Variants in ST8SIA4 observed in about 807,000 individuals in gnomAD.
ST8SIA4 encodes CMP-N-acetylneuraminate-poly-alpha-2,8-sialyltransferase.
In ST8SIA4, 15 loss-of-function variants were observed where a neutral mutation model predicts 33.9. The observed-to-expected ratio is 0.44, with a 90% CI of 0.30 to 0.68. ST8SIA4 has a LOEUF of 0.68. ST8SIA4 is among the 30% of genes least tolerant of loss of function. ST8SIA4 has a pLI of 0.10. For synonymous variants in ST8SIA4, 171 were observed against 151.2 expected (o/e 1.13, Z -0.96); for missense variants, 321 against 428.0 (o/e 0.75, Z 2.21).
At chr5:100,850,368 C>T (rs1204446684) in intron 4 of ST8SIA4, among the ~76,000 whole-genome samples, 2 of 150,548 alleles carry the variant, frequency 1.3e-5, no homozygotes, top group African/African-American at 4.9e-5. Flanking sequence ...TATATTAAAA[C>T]AAATTACTAC....
rs189007863 is a variant in ST8SIA4 at position 100,835,143 on chromosome 5, T to G, written c.797+20960A>C. ...TTCTTTTTCTGTTTGTACACAAAAT[T>G]TTCAATCACAAATGCTAAAGCTACC... On this transcript the variant is annotated intron_variant, in intron 4 of 4. Coordinates refer to ENST00000231461, the MANE Select transcript of ST8SIA4 (RefSeq NM_005668.6). Among the ~76,000 whole-genome samples the G allele has an allele frequency of 5.3e-5, 8 of 152,270 alleles. No individual in the cohort carries two copies. The East Asian group carries it at 1.5e-3, about 29-fold the overall frequency.
chr5:100,823,049 T>C (rs1751064608), intron 4 of ST8SIA4, among the ~76,000 whole-genome samples: 1 of 151,972 alleles, frequency 6.6e-6, no homozygotes. Context: ...GAGAATGGTG[T>C]GAACCCGGGA....
intron 1 of ST8SIA4, among the ~76,000 whole-genome samples, chr5:100,901,201 C>G (rs1343748595): frequency 6.6e-6 from 1 of 152,176 alleles, no homozygotes; most frequent in Non-Finnish European, 1.5e-5. Context: ...TAGGGAGGCT[C>G]GGAGATGGAC....
At chr5:100,878,188 T>A (rs1238929639) in intron 3 of ST8SIA4, among the ~76,000 whole-genome samples, 1 of 152,164 alleles carries the variant, frequency 6.6e-6, no homozygotes, top group Non-Finnish European at 1.5e-5. Context: ...GACAAAGATT[T>A]TTTTTTTTAA....
chr5:100,855,410 A>C (rs1315072577), intron 4 of ST8SIA4, among the ~76,000 whole-genome samples: 3 of 152,166 alleles, frequency 2.0e-5, no homozygotes, highest in Non-Finnish European at 2.9e-5. Context: ...TTCATTTTTG[A>C]AGCTACAGTA....
intron 3 of ST8SIA4, among the ~76,000 whole-genome samples, chr5:100,858,616 A>G (rs146883017): frequency 1.3e-5 from 2 of 152,224 alleles, no homozygotes; most frequent in Non-Finnish European, 2.9e-5. Context: ...TAAGATGCTC[A>G]TCAATTAAAG....
In ST8SIA4 at chr5:100,809,885, C is replaced by A. The variant is rs1303649588; in HGVS notation, c.*1962G>T. On this transcript the variant is annotated 3_prime_UTR_variant, in exon 5 of 5. Coordinates refer to ENST00000231461, the MANE Select transcript of ST8SIA4 (RefSeq NM_005668.6). ...TAATATTCTATATCCCAAGGTTTTA[C>A]TATATTAAAAAAATATGACATCTAA... The A allele has an allele frequency of 6.6e-6, 1 of 151,870 alleles. No individual in the cohort carries two copies. Among genetic ancestry groups the A allele is most frequent in the Admixed American group, 6.6e-5 (1 of 15,236 alleles). The allele number at this position is 151,870 out of a possible 1,614,324, so 9.4% of individuals were successfully genotyped here. A position where few individuals can be genotyped will look rare whatever the true frequency, so the allele number is the denominator to read the frequency against.
chr5:100,815,420 TCTTC>T (rs536259994), intron 4 of ST8SIA4, among the ~76,000 whole-genome samples: 2,315 of 151,458 alleles, frequency 0.015, 46 homozygotes, highest in African/African-American at 0.05. Flanking sequence ...ATCCTTCCTT[TCTTC>T]CTTCCTTCCT....
chr5:100,821,182 T>C (rs1347183414), intron 4 of ST8SIA4, among the ~76,000 whole-genome samples: 1 of 152,050 alleles, frequency 6.6e-6, no homozygotes, highest in South Asian at 2.1e-4. Flanking sequence ...ACATTTTTCT[T>C]ACTAAGATTG....
Position 100,809,520 on chromosome 5 carries a change from C to CT in ST8SIA4, c.*2326dup, listed in dbSNP as rs1204522310. 5.3e-5 allele frequency: 8 copies of CT among 150,682 alleles called. No individual in the cohort carries two copies. 9.3% of individuals were successfully genotyped at this position (150,682 alleles called of 1,614,324 possible). On this transcript the variant is annotated 3_prime_UTR_variant, in exon 5 of 5. Coordinates refer to ENST00000231461, the MANE Select transcript of ST8SIA4 (RefSeq NM_005668.6). ...AAAATGGCAAGGTACCTTGCTGCTGCTTTTTTAAGATATACTTTAAATGAG... is the reference window on the plus strand; with the variant it reads ...AAAATGGCAAGGTACCTTGCTGCTGCTTTTTTTAAGATATACTTTAAATGAG...
rs1487281774 is a variant in ST8SIA4 at position 100,809,903 on chromosome 5, A to T, written c.*1944T>A. ...GGTTTTACTATATTAAAAAAATATG[A>T]CATCTAATTAAAAATATTGAGAACT... is the stretch of plus-strand genomic sequence containing the variant. On this transcript the variant is annotated 3_prime_UTR_variant, in exon 5 of 5. Coordinates refer to ENST00000231461, the MANE Select transcript of ST8SIA4 (RefSeq NM_005668.6). The T allele has an allele frequency of 1.3e-5, 2 of 152,160 alleles. No homozygotes were observed. Among genetic ancestry groups the T allele is most frequent in the African/African-American group, 4.8e-5 (2 of 41,432 alleles). The allele number at this position is 152,160 out of a possible 1,614,324, so 9.4% of individuals were successfully genotyped here. A position where few individuals can be genotyped will look rare whatever the true frequency, so the allele number is the denominator to read the frequency against.
At chr5:100,872,547 G>A (rs1445357256) in intron 3 of ST8SIA4, among the ~76,000 whole-genome samples, 1 of 152,014 alleles carries the variant, frequency 6.6e-6, no homozygotes, top group African/African-American at 2.4e-5. Context: ...ATTGATTCAT[G>A]GAGGGAGTTT....
At chr5:100,873,908 G>T (rs1752251267) in intron 3 of ST8SIA4, among the ~76,000 whole-genome samples, 1 of 152,116 alleles carries the variant, frequency 6.6e-6, no homozygotes, top group Non-Finnish European at 1.5e-5. Context: ...ATACTTATGA[G>T]AGTAGATTAT....
chr5:100,897,452 A>T (rs1031452311), intron 1 of ST8SIA4, among the ~76,000 whole-genome samples: 4 of 152,182 alleles, frequency 2.6e-5, no homozygotes, highest in African/African-American at 9.6e-5. Flanking sequence ...CCCTTTGAAT[A>T]TTTGTATTTA....
rs138086169 is a variant in ST8SIA4 at position 100,815,248 on chromosome 5, A to T, written c.798-3119T>A. Among the ~76,000 whole-genome samples the T allele has an allele frequency of 5.8e-3, 881 of 152,110 alleles. 31 individuals are homozygous for T. Among genetic ancestry groups the T allele is most frequent in the Admixed American group, 0.047 (723 of 15,290 alleles). On this transcript the variant is annotated intron_variant, in intron 4 of 4. Coordinates refer to ENST00000231461, the MANE Select transcript of ST8SIA4 (RefSeq NM_005668.6). ...AAAATCTAAGAAAAACATTACCTAT[A>T]ATCCATCCACATAAGGATAATTACT...
At chr5:100,855,140 A>C (rs1195483387) in intron 4 of ST8SIA4, among the ~76,000 whole-genome samples, 1 of 152,040 alleles carries the variant, frequency 6.6e-6, no homozygotes, top group African/African-American at 2.4e-5. Flanking sequence ...CATTTGCTTG[A>C]CCTGGTACCC....
intron 3 of ST8SIA4, among the ~76,000 whole-genome samples, chr5:100,866,011 G>A (rs1023128586): frequency 2.0e-5 from 3 of 152,118 alleles, no homozygotes; most frequent in Non-Finnish European, 4.4e-5. Context: ...GCTTTAGAAA[G>A]CATAAGCTTG....
At chr5:100,814,657 C>G (rs1750876553) in intron 4 of ST8SIA4, among the ~76,000 whole-genome samples, 1 of 151,872 alleles carries the variant, frequency 6.6e-6, no homozygotes, top group Non-Finnish European at 1.5e-5. Context: ...AAACACAGAA[C>G]TGATCAAATA....
intron 4 of ST8SIA4, among the ~76,000 whole-genome samples, chr5:100,838,222 CAGATATTCT>C (rs1751403163): frequency 6.6e-6 from 1 of 151,884 alleles, no homozygotes; most frequent in Non-Finnish European, 1.5e-5. Context: ...CTAGGACTGC[CAGATATTCT>C]GATCTTTAAA....
Sources: gnomAD v4.1 joint callset for allele counts (sites outside exome capture counted in the v4.1 genomes callset) on GRCh38, gnomAD v4.1.1 for gene constraint, MANE v1.5 for transcripts, NCBI Gene and HGNC (gene_info 2026-07-23, HGNC 2026-07-21) for gene names.